Variants in PIK3CG observed in about 807,000 individuals in gnomAD.
PIK3CG encodes phosphatidylinositol 4,5-bisphosphate 3-kinase catalytic subunit gamma isoform.
Under a neutral mutation model 102.3 loss-of-function variants are expected in PIK3CG, and 55 were observed. The observed-to-expected ratio is 0.54, with a 90% CI of 0.43 to 0.67. The LOEUF is 0.67. Ranked by LOEUF, PIK3CG falls within the 30% of genes least tolerant of loss-of-function variation. The pLI is 0.00. For missense variants in PIK3CG, 1,258 were observed against 1,391.8 expected, an observed-to-expected ratio of 0.90 and a Z score of 1.53; for synonymous variants, 552 against 540.0, an observed-to-expected ratio of 1.02 and a Z score of -0.31.
chr7:106,868,701 A>G lies in PIK3CG; in HGVS notation c.1140A>G (p.Thr380=), dbSNP rs531898922. The G allele has an allele frequency of 5.6e-5, 91 of 1,614,256 alleles. No individual in the cohort carries two copies. The highest frequency in any genetic ancestry group is 6.9e-5 in the Non-Finnish European group (82 of 1,180,048). The change falls in exon 2 of 11, where the codon ACA becomes ACG. Residue 380 remains threonine, a synonymous_variant. Coordinates refer to ENST00000496166, the MANE Select transcript of PIK3CG (RefSeq NM_001282426.2). The surrounding 1 kb of genome is among the most constrained non-coding windows in gnomAD (Gnocchi z 6.2). ...IPVLPRNTDL[T]VFVEANIQHG... Reference sequence around the variant, plus strand: ...TCCTGCCTCGGAACACCGACCTCACAGTTTTTGTAGAGGCAAACATCCAGC... The same window carrying G: ...TCCTGCCTCGGAACACCGACCTCACGGTTTTTGTAGAGGCAAACATCCAGC...
At chr7:106,875,047 C>T (rs778868690) in intron 5 of PIK3CG, among the ~76,000 whole-genome samples, 1 of 151,946 alleles carries the variant, frequency 6.6e-6, no homozygotes, top group South Asian at 2.1e-4. Context: ...AAAAATTGTC[C>T]ATTTAAAATG....
chr7:106,882,751 C>G (rs1790976910), intron 7 of PIK3CG: 1 of 282,274 alleles, frequency 3.5e-6, no homozygotes, highest in Middle Eastern at 1.0e-3. Flanking sequence ...GAAGGATATG[C>G]TCAGCATATA....
At chr7:106,875,083 G>A (rs1189890137) in intron 5 of PIK3CG, among the ~76,000 whole-genome samples, 1 of 152,198 alleles carries the variant, frequency 6.6e-6, no homozygotes, top group African/African-American at 2.4e-5. Context: ...AGGCGCGGTA[G>A]CTCACGCCTG....
Position 106,869,839 on chromosome 7 carries a change from T to C in PIK3CG, c.1995+283T>C, listed in dbSNP as rs1443971894. ...TTGTTCTCATTTATTATTTTAATGATAGATTGCACTTACTGAATGCTTTCT... is the reference window on the plus strand; with the variant it reads ...TTGTTCTCATTTATTATTTTAATGACAGATTGCACTTACTGAATGCTTTCT... On this transcript the variant is annotated intron_variant, in intron 2 of 10. Transcript: ENST00000496166. The surrounding 1 kb of genome is among the most constrained non-coding windows in gnomAD (Gnocchi z 5.3). Among the ~76,000 whole-genome samples the C allele has an allele frequency of 6.6e-6, 1 of 152,230 alleles. No homozygotes were observed. The highest frequency in any genetic ancestry group is 2.4e-5 in the African/African-American group (1 of 41,446).
Position 106,868,257 on chromosome 7 carries a change from C to T in PIK3CG, c.696C>T (p.Thr232=), listed in dbSNP as rs2116435112. The change falls in exon 2 of 11, where the codon ACC becomes ACT. Residue 232 remains threonine (T), a synonymous_variant. Transcript: ENST00000496166. This position sits in a 1 kb window ranked among gnomAD's most constrained non-coding sequence, Gnocchi z 6.2. Reference sequence around the variant, plus strand: ...TTCACCGCAGCACCACCAGCCAGACCATTAAGGTCTCACCCGACGACACCC... The same window carrying T: ...TTCACCGCAGCACCACCAGCCAGACTATTAAGGTCTCACCCGACGACACCC... ...IVIHRSTTSQ[T]IKVSPDDTPG... is the part of the protein sequence containing the mutation. The T allele has an allele frequency of 6.2e-7, 1 of 1,613,702 alleles. No individual in the cohort carries two copies. The highest frequency in any genetic ancestry group is 8.5e-7 in the Non-Finnish European group (1 of 1,180,040).
chr7:106,881,825 G>A (rs1051342384), intron 6 of PIK3CG, among the ~76,000 whole-genome samples: 7 of 152,102 alleles, frequency 4.6e-5, no homozygotes, highest in Admixed American at 3.3e-4. Context: ...ACTCCAGGCT[G>A]GGCGACAGAG....
intron 10 of PIK3CG, among the ~76,000 whole-genome samples, chr7:106,896,034 A>C (rs1394093609): frequency 6.6e-6 from 1 of 152,242 alleles, no homozygotes; most frequent in African/African-American, 2.4e-5. Flanking sequence ...GTGCAGTTAA[A>C]CTGGGGAAGA....
chr7:106,876,272 T>C (rs1397447580), intron 5 of PIK3CG, among the ~76,000 whole-genome samples: 1 of 152,184 alleles, frequency 6.6e-6, no homozygotes. Flanking sequence ...ATCTCACTGT[T>C]GTTTTTATTT....
chr7:106,895,572 T>C lies in PIK3CG; in HGVS notation c.3030+9280T>C, dbSNP rs1298027666. Among the ~76,000 whole-genome samples the C allele has an allele frequency of 6.6e-6, 1 of 152,232 alleles. No individual in the cohort carries two copies. Among genetic ancestry groups the C allele is most frequent in the Non-Finnish European group, 1.5e-5 (1 of 68,040 alleles). On this transcript the variant is annotated intron_variant, in intron 10 of 10. Transcript: ENST00000496166. The surrounding 1 kb of genome is among the most constrained non-coding windows in gnomAD (Gnocchi z 5.4). ...GGCCAGCACCATGACAGCCTCCCTT[T>C]GACACTGGTTGGAGTGAGGCTTATC...
At position 106,905,393 on chromosome 7, in the gene PIK3CG, T is replaced by C. The variant is rs190257233; in HGVS notation, c.*6T>C. 2.5e-6 allele frequency: 4 copies of C among 1,605,232 alleles called. No homozygotes were observed. Among genetic ancestry groups the C allele is most frequent in the African/African-American group, 2.7e-5 (2 of 74,648 alleles). The stretch of plus-strand genomic sequence containing the variant: ...GAGAGAAACATTCAGCCTAATACTT[T>C]AGGCTAGAATCAAAAACAAGTTAGT... On this transcript the variant is annotated 3_prime_UTR_variant, in exon 11 of 11. Transcript: ENST00000496166. This position sits in a 1 kb window ranked among gnomAD's most constrained non-coding sequence, Gnocchi z 5.6.
intron 10 of PIK3CG, among the ~76,000 whole-genome samples, chr7:106,886,755 T>A (rs1470869138): frequency 1.3e-5 from 2 of 152,222 alleles, no homozygotes; most frequent in Non-Finnish European, 2.9e-5. Flanking sequence ...ACTGGGCTTA[T>A]CTCATTTTTA....
In PIK3CG at chr7:106,886,242, G is replaced by C. The variant is rs759713129; in HGVS notation, c.2980G>C (p.Val994Leu). The C allele has an allele frequency of 8.1e-6, 13 of 1,614,052 alleles. No individual in the cohort carries two copies. In the South Asian group the frequency reaches 1.4e-4, roughly 18 times the overall value. ...TGTGCTAACCCCTGACTTCCTCTTT[G>C]TGATGGGAACTTCTGGAAAGAAGAC... Reference protein sequence around the residue: ...PFVLTPDFLFVMGTSGKKTSP... With the variant: ...PFVLTPDFLFLMGTSGKKTSP... The change falls in exon 10 of 11, where the codon GTG becomes CTG. Residue 994 changes from valine (V) to leucine (L), a missense_variant. Val to Leu is a conservative substitution (Grantham distance 32). This residue lies in a region of PIK3CG where 426 missense variants were observed against 604.2 expected (regional missense o/e 0.71). Transcript: ENST00000496166.
Position 106,884,138 on chromosome 7 carries a change from A to C in PIK3CG, c.2761-17A>C, listed in dbSNP as rs547941841. The C allele has an allele frequency of 8.4e-6, 13 of 1,543,646 alleles. No individual in the cohort carries two copies. In the African/African-American group the frequency reaches 1.6e-4, roughly 19 times the overall value. On this transcript the variant is annotated splice_polypyrimidine_tract_variant and intron_variant, in intron 8 of 10. Coordinates refer to ENST00000496166, the MANE Select transcript of PIK3CG (RefSeq NM_001282426.2). The surrounding 1 kb of genome is among the most constrained non-coding windows in gnomAD (Gnocchi z 4.2). The stretch of plus-strand genomic sequence containing the variant: ...TGTAGTTAGAAGACAACTAATATTC[A>C]AATGCATTTTAATTAGTTTCAGGCA...
intron 4 of PIK3CG, among the ~76,000 whole-genome samples, chr7:106,873,767 C>G (rs943611536): frequency 6.6e-6 from 1 of 151,806 alleles, no homozygotes; most frequent in Non-Finnish European, 1.5e-5. Context: ...CACACACACA[C>G]CACCTTCTCT....
intron 10 of PIK3CG, among the ~76,000 whole-genome samples, chr7:106,888,239 G>A (rs576960434): frequency 2.6e-5 from 4 of 151,986 alleles, no homozygotes; most frequent in East Asian, 3.9e-4. Flanking sequence ...GTGCCCAGCC[G>A]ACTCTCCTTC....
chr7:106,871,315 C>G (rs1790523647), intron 2 of PIK3CG, among the ~76,000 whole-genome samples: 1 of 152,168 alleles, frequency 6.6e-6, no homozygotes, highest in South Asian at 2.1e-4. Context: ...GTACTGGTGG[C>G]TAAAAGACCA....
Position 106,890,677 on chromosome 7 carries a change from A to G in PIK3CG, c.3030+4385A>G, listed in dbSNP as rs1791243080. 1.3e-5 allele frequency among the ~76,000 whole-genome samples: 2 copies of G among 152,362 alleles called. No homozygotes were observed. The highest frequency in any genetic ancestry group is 4.8e-5 in the African/African-American group (2 of 41,588). ...CTTAAAAACTGAACTTAAGAAATAG[A>G]TATGTTCGTCTCTTCAAATTGAGTA... On this transcript the variant is annotated intron_variant, in intron 10 of 10. Transcript: ENST00000496166. The surrounding 1 kb of genome is among the most constrained non-coding windows in gnomAD (Gnocchi z 4.2).
chr7:106,870,158 G>A lies in PIK3CG; in HGVS notation c.1995+602G>A, dbSNP rs575724868. On this transcript the variant is annotated intron_variant, in intron 2 of 10. Coordinates refer to ENST00000496166, the MANE Select transcript of PIK3CG (RefSeq NM_001282426.2). ...AGGATTCTGGGGCTAGAGATAAAAGGTCTTATTCTCTGTGTATGTCTGTTA... is the reference window on the plus strand; with the variant it reads ...AGGATTCTGGGGCTAGAGATAAAAGATCTTATTCTCTGTGTATGTCTGTTA... Among the ~76,000 whole-genome samples, 5 of 152,234 alleles carry A rather than the reference G, an allele frequency of 3.3e-5. No individual in the cohort carries two copies. The South Asian group carries it at 6.2e-4, about 19-fold the overall frequency.
Position 106,874,810 on chromosome 7 carries a change from A to T in PIK3CG, c.2391+7A>T. On this transcript the variant is annotated splice_region_variant and intron_variant, in intron 5 of 10. Transcript: ENST00000496166. The surrounding 1 kb of genome is among the most constrained non-coding windows in gnomAD (Gnocchi z 4.3). The stretch of plus-strand genomic sequence containing the variant: ...GAAAGCAGGAGCGCTGGCAGTAGGT[A>T]TCACTTGGATGTCTCCATGTGGTCT... 1 of 1,574,244 alleles carries T rather than the reference A, an allele frequency of 6.4e-7. No homozygotes were observed. The highest frequency in any genetic ancestry group is 8.7e-7 in the Non-Finnish European group (1 of 1,144,130).
Sources: allele counts gnomAD v4.1 joint callset (sites outside exome capture counted in the v4.1 genomes callset), GRCh38; gene constraint gnomAD v4.1.1; regional missense constraint gnomAD v4.1.1; non-coding constraint Gnocchi (gnomAD v3.1); transcripts MANE v1.5; gene names NCBI Gene and HGNC (gene_info 2026-07-23, HGNC 2026-07-21).